PIK3CB: variants seen among roughly 807,000 people sequenced by gnomAD.
The protein encoded by PIK3CB is phosphatidylinositol 4,5-bisphosphate 3-kinase catalytic subunit beta isoform.
In PIK3CB, 39 loss-of-function variants were observed where a neutral mutation model predicts 136.8. The ratio of observed to expected loss-of-function variants is 0.29; its 90% CI spans 0.22 to 0.37. The LOEUF is 0.37. PIK3CB is among the 10% of genes least tolerant of loss of function. The probability of loss-of-function intolerance (pLI) is 1.00; values close to 1 mark genes in which losing one functional copy is unlikely to be tolerated. For missense variants in PIK3CB, 868 were observed against 1,275.4 expected, an observed-to-expected ratio of 0.68 and a Z score of 4.87; for synonymous variants, 428 against 436.6, an observed-to-expected ratio of 0.98 and a Z score of 0.25.
At chr3:138,821,650 T>A (rs965762606) in intron 1 of PIK3CB, among the ~76,000 whole-genome samples, 2 of 151,910 alleles carry the variant, frequency 1.3e-5, no homozygotes, top group African/African-American at 2.4e-5. Flanking sequence ...CTGGGAGTGG[T>A]GGCAGGCACC....
intron 4 of PIK3CB, among the ~76,000 whole-genome samples, chr3:138,755,126 G>A (rs1290653971): frequency 1.3e-5 from 2 of 152,152 alleles, no homozygotes; most frequent in Non-Finnish European, 2.9e-5. Context: ...GATAATTTCA[G>A]TTAAGAAGTA....
chr3:138,791,742 T>C (rs1346575007), intron 2 of PIK3CB, among the ~76,000 whole-genome samples: 1 of 152,178 alleles, frequency 6.6e-6, no homozygotes, highest in Non-Finnish European at 1.5e-5. Flanking sequence ...CTCCCCACCC[T>C]ATCCAAAATA....
chr3:138,793,128 G>A (rs2046071417), intron 2 of PIK3CB, among the ~76,000 whole-genome samples: 1 of 152,218 alleles, frequency 6.6e-6, no homozygotes, highest in Non-Finnish European at 1.5e-5. Flanking sequence ...CACTCTTGTA[G>A]ACAAGATTAG....
At chr3:138,807,808 G>C (rs941302467) in intron 1 of PIK3CB, among the ~76,000 whole-genome samples, 1 of 151,602 alleles carries the variant, frequency 6.6e-6, no homozygotes, top group South Asian at 2.1e-4. Flanking sequence ...TGGAAGGATC[G>C]CTTTTGAGCT....
At chr3:138,775,952 C>A (rs1394338504) in intron 2 of PIK3CB, among the ~76,000 whole-genome samples, 4 of 152,162 alleles carry the variant, frequency 2.6e-5, no homozygotes, top group African/African-American at 9.7e-5. Flanking sequence ...AATCCCAGCA[C>A]TTTGGGAGGC....
chr3:138,828,577 G>A (rs1289445906), intron 1 of PIK3CB, among the ~76,000 whole-genome samples: 3 of 152,058 alleles, frequency 2.0e-5, no homozygotes, highest in Non-Finnish European at 4.4e-5. Context: ...TATTATATTG[G>A]AGGAAAAAGA....
At chr3:138,665,948 A>C (rs2043401159) in intron 19 of PIK3CB, among the ~76,000 whole-genome samples, 1 of 152,156 alleles carries the variant, frequency 6.6e-6, no homozygotes, top group South Asian at 2.1e-4. Flanking sequence ...CCCCAATTAG[A>C]TTGCAAACTC....
chr3:138,709,344 C>T (rs1047386797), intron 10 of PIK3CB, among the ~76,000 whole-genome samples: 7 of 150,548 alleles, frequency 4.6e-5, no homozygotes, highest in African/African-American at 1.7e-4. Flanking sequence ...CAGTTCTCTA[C>T]ATAGATACGT....
intron 2 of PIK3CB, 104 bp from the exon 3 acceptor site, chr3:138,759,463 T>C (rs1057083460): frequency 3.0e-6 from 2 of 672,002 alleles, no homozygotes; most frequent in South Asian, 2.7e-5. Context: ...GATTTCAATA[T>C]AGCCAATAAT....
Position 138,705,758 on chromosome 3 carries a change from T to G in PIK3CB, c.1531-1265A>C, listed in dbSNP as rs140746544. ...AACTTTCAGCTTATTTTCTGAACAT[T>G]TTTTTTTCTCCAGAGACAGGGTCTC... is the stretch of plus-strand genomic sequence containing the variant. On this transcript the variant is annotated intron_variant, in intron 11 of 23. Coordinates refer to ENST00000674063, the MANE Select transcript of PIK3CB (RefSeq NM_006219.3). 3.8e-3 allele frequency among the ~76,000 whole-genome samples: 580 copies of G among 152,198 alleles called. 5 individuals carry two copies. The highest frequency in any genetic ancestry group is 0.013 in the African/African-American group (557 of 41,532).
rs560553376 is a variant in PIK3CB, at chr3:138,764,717, A to G, written c.-16-5358T>C. On this transcript the variant is annotated intron_variant, in intron 2 of 23. Coordinates refer to ENST00000674063, the MANE Select transcript of PIK3CB (RefSeq NM_006219.3). ...TGCTGAATCACAGGTACTTGCCAGCATATCTCACATTCTCTCCTGCCTCCT... is the reference window on the plus strand; with the variant it reads ...TGCTGAATCACAGGTACTTGCCAGCGTATCTCACATTCTCTCCTGCCTCCT... Among the ~76,000 whole-genome samples the G allele has an allele frequency of 4.6e-5, 7 of 152,320 alleles. No homozygotes were observed. The South Asian group carries it at 1.0e-3, about 23-fold the overall frequency.
At chr3:138,824,690 C>T (rs1933703445) in intron 1 of PIK3CB, among the ~76,000 whole-genome samples, 1 of 150,816 alleles carries the variant, frequency 6.6e-6, no homozygotes, top group Non-Finnish European at 1.5e-5. Context: ...CAAAACTCCA[C>T]TTCGGAAAAA....
chr3:138,797,033 A>G (rs2046116269), intron 1 of PIK3CB: 1 of 152,602 alleles, frequency 6.6e-6, no homozygotes, highest in African/African-American at 2.4e-5. Context: ...CTTAATCCTG[A>G]CCAATGAGAA....
At chr3:138,735,138 A>G (rs1006187850) in intron 6 of PIK3CB, among the ~76,000 whole-genome samples, 8 of 151,670 alleles carry the variant, frequency 5.3e-5, no homozygotes, top group African/African-American at 1.9e-4. Context: ...TTGTAGAGAC[A>G]GGGTTTTGCC....
intron 2 of PIK3CB, among the ~76,000 whole-genome samples, chr3:138,781,232 T>C (rs1208756707): frequency 6.6e-6 from 1 of 150,818 alleles, no homozygotes; most frequent in South Asian, 2.1e-4. Flanking sequence ...GTTGAGGCCA[T>C]AGTAAGCCAA....
intron 4 of PIK3CB, among the ~76,000 whole-genome samples, chr3:138,754,352 C>T (rs1216822805): frequency 6.6e-6 from 1 of 151,764 alleles, no homozygotes; most frequent in African/African-American, 2.4e-5. Flanking sequence ...GTGGGAGGAT[C>T]GCTTGCGACT....
chr3:138,725,480 A>G (rs1204301588), intron 8 of PIK3CB, among the ~76,000 whole-genome samples: 1 of 152,092 alleles, frequency 6.6e-6, no homozygotes, highest in Non-Finnish European at 1.5e-5. Context: ...CAAATGTTAG[A>G]CTTTCTAGTA....
chr3:138,816,138 A>G (rs1933315116), intron 1 of PIK3CB, among the ~76,000 whole-genome samples: 2 of 151,656 alleles, frequency 1.3e-5, no homozygotes, highest in Non-Finnish European at 2.9e-5. Flanking sequence ...CTCTATCTCT[A>G]CAAAAAATAC....
intron 2 of PIK3CB, among the ~76,000 whole-genome samples, chr3:138,785,091 C>T (rs971395471): frequency 1.3e-5 from 2 of 151,638 alleles, no homozygotes; most frequent in African/African-American, 2.4e-5. Context: ...CCGCCCTGTC[C>T]GGGAGGTGGG....
Sources: gnomAD v4.1 joint callset for allele counts (sites outside exome capture counted in the v4.1 genomes callset) on GRCh38, gnomAD v4.1.1 for gene constraint, MANE v1.5 for transcripts, NCBI Gene and HGNC (gene_info 2026-07-23, HGNC 2026-07-21) for gene names.